Variants in PPP1R9A observed in about 807,000 individuals in gnomAD.
PPP1R9A encodes protein phosphatase 1 regulatory subunit 9A.
A neutral mutation model predicts 141.9 loss-of-function variants in PPP1R9A; 59 were observed. That is an observed-to-expected ratio of 0.42 (90% CI 0.34 to 0.52). The LOEUF is 0.52. PPP1R9A is among the 20% of genes least tolerant of loss of function. The pLI, the probability that PPP1R9A is intolerant of heterozygous loss-of-function variation, is 0.10. For missense variants in PPP1R9A, 1,444 were observed against 1,611.9 expected (o/e 0.90, Z 1.78); for synonymous variants, 500 against 569.7 (o/e 0.88, Z 1.74).
rs191015979 is a variant in PPP1R9A at position 95,128,679 on chromosome 7, C to T, written c.1649+7847C>T. ...GCAACCTCTGCCTCCTGGGTTCAAG[C>T]GATTCTCCTGCCTCAGCCTTCTGAG... On this transcript the variant is annotated intron_variant, in intron 4 of 19. Coordinates refer to ENST00000433360, the MANE Select transcript of PPP1R9A (RefSeq NM_001166160.2). Among the ~76,000 whole-genome samples the T allele has an allele frequency of 3.1e-4, 47 of 152,186 alleles. No homozygotes were observed. In the East Asian group the frequency reaches 8.7e-3, roughly 28 times the overall value.
At position 94,910,960 on chromosome 7, in the gene PPP1R9A, G is replaced by C; in HGVS notation, c.847G>C (p.Ala283Pro). ...KSNATPVPEV[A>P]SKSTSLASIP... ...TAATGCAACTCCAGTACCAGAAGTG[G>C]CTTCTAAAAGTACCTCTCTAGCTTC... Residue 283 changes from alanine to proline, a missense_variant, in exon 2 of 20, where the codon GCT (alanine) becomes CCT (proline). Physicochemically the swap from Ala to Pro is conservative, Grantham distance 27 (BLOSUM62 -1). Coordinates refer to ENST00000433360, the MANE Select transcript of PPP1R9A (RefSeq NM_001166160.2). The surrounding 1 kb of genome is among the most constrained non-coding windows in gnomAD (Gnocchi z 4.5). 1 of 1,614,164 alleles carries C rather than the reference G, an allele frequency of 6.2e-7. No individual in the cohort carries two copies. Among genetic ancestry groups the C allele is most frequent in the Non-Finnish European group, 8.5e-7 (1 of 1,180,034 alleles).
At chr7:95,060,096 C>T (rs1812025572) in intron 2 of PPP1R9A, among the ~76,000 whole-genome samples, 1 of 152,218 alleles carries the variant, frequency 6.6e-6, no homozygotes, top group African/African-American at 2.4e-5. Context: ...TTCTCCCACA[C>T]AGCAGAGGTT....
At chr7:95,041,340 C>T (rs568996569) in intron 2 of PPP1R9A, among the ~76,000 whole-genome samples, 100 of 152,292 alleles carry the variant, frequency 6.6e-4, no homozygotes, top group African/African-American at 2.3e-3. Context: ...AACCTTTCCG[C>T]TCTGAATCTC....
chr7:95,151,564 A>G (rs908644265), intron 4 of PPP1R9A, among the ~76,000 whole-genome samples: 8 of 152,114 alleles, frequency 5.3e-5, no homozygotes, highest in Non-Finnish European at 1.0e-4. Flanking sequence ...TCCATCATAC[A>G]TTTGTCAAAA....
chr7:95,163,051 T>A (rs1361765697), intron 5 of PPP1R9A, among the ~76,000 whole-genome samples: 1 of 152,204 alleles, frequency 6.6e-6, no homozygotes, highest in Non-Finnish European at 1.5e-5. Flanking sequence ...TTTTTGAAGA[T>A]CACTATGTGT....
intron 2 of PPP1R9A, among the ~76,000 whole-genome samples, chr7:94,917,309 T>A (rs1792202213): frequency 1.3e-5 from 2 of 152,352 alleles, no homozygotes; most frequent in South Asian, 4.1e-4. Context: ...AGTGATCATT[T>A]AGTGTTTAAA....
At chr7:94,949,596 G>A (rs1395621045) in intron 2 of PPP1R9A, among the ~76,000 whole-genome samples, 1 of 152,062 alleles carries the variant, frequency 6.6e-6, no homozygotes, top group African/African-American at 2.4e-5. Context: ...GGGCTAGTTA[G>A]CAGCTCAGAC....
intron 5 of PPP1R9A, among the ~76,000 whole-genome samples, chr7:95,195,592 A>T (rs1409916758): frequency 1.3e-5 from 2 of 151,976 alleles, no homozygotes; most frequent in African/African-American, 4.8e-5. Flanking sequence ...TATTTATAAC[A>T]AAGTGATAAA....
intron 3 of PPP1R9A, 35 bp from the exon 4 acceptor site, chr7:95,120,677 T>C (rs781379272): frequency 6.2e-7 from 1 of 1,604,770 alleles, no homozygotes. Flanking sequence ...AAAACTTAAG[T>C]TGTTTCACCT....
intron 2 of PPP1R9A, among the ~76,000 whole-genome samples, chr7:95,090,874 T>C (rs1445415696): frequency 6.6e-6 from 1 of 151,998 alleles, no homozygotes; most frequent in Non-Finnish European, 1.5e-5. Flanking sequence ...CTATATGTAT[T>C]TACATAATTG....
At chr7:95,200,150 G>A (rs965720517) in intron 6 of PPP1R9A, among the ~76,000 whole-genome samples, 1 of 151,904 alleles carries the variant, frequency 6.6e-6, no homozygotes, top group Non-Finnish European at 1.5e-5. Context: ...AAAGAAAGAA[G>A]ATAGTCACAT....
intron 2 of PPP1R9A, among the ~76,000 whole-genome samples, chr7:95,094,874 C>T (rs1250732923): frequency 6.5e-4 from 32 of 49,334 alleles, no homozygotes; most frequent in African/African-American, 1.8e-3. Context: ...AGGGAGACTG[C>T]GTCTCAAAAA....
intron 4 of PPP1R9A, chr7:95,156,669 C>T (rs762608406): frequency 1.3e-5 from 2 of 152,354 alleles, no homozygotes; most frequent in African/African-American, 4.8e-5. Context: ...AAAGGAGACC[C>T]TGGAGAGGGA....
Position 95,268,550 on chromosome 7 carries a change from A to C in PPP1R9A, c.2666A>C (p.Asp889Ala). 1 of 1,612,892 alleles carries C rather than the reference A, an allele frequency of 6.2e-7. No individual in the cohort carries two copies. The highest frequency in any genetic ancestry group is 1.1e-5 in the South Asian group (1 of 91,042). ...ACTGATTATCTTTCAATATTCTTAG[A>C]CTTGAATGAAGCAGTCCCAGAGACA... ...QTSCQDGLSQ[D>A]LNEAVPETER... The change falls in exon 13 of 20, where the codon GAC becomes GCC. Residue 889 changes from aspartate (D) to alanine (A), a missense_variant and splice_region_variant. Transcript: ENST00000433360.
At chr7:95,261,198 G>C (rs1800380923) in intron 12 of PPP1R9A, among the ~76,000 whole-genome samples, 1 of 152,172 alleles carries the variant, frequency 6.6e-6, no homozygotes, top group South Asian at 2.1e-4. Flanking sequence ...ATAGCCAAGA[G>C]GGAAACATGA....
intron 2 of PPP1R9A, among the ~76,000 whole-genome samples, chr7:95,084,857 C>T (rs955603059): frequency 3.3e-5 from 5 of 151,942 alleles, no homozygotes; most frequent in East Asian, 1.9e-4. Context: ...TCATCACCAT[C>T]GCAAACCATG....
At chr7:95,241,847 A>G (rs1797513664) in intron 8 of PPP1R9A, among the ~76,000 whole-genome samples, 2 of 152,144 alleles carry the variant, frequency 1.3e-5, no homozygotes, top group Admixed American at 1.3e-4. Flanking sequence ...ATTGCTGCCT[A>G]CTTAATAGCA....
At chr7:95,108,594 A>C (rs1819996063) in intron 2 of PPP1R9A, among the ~76,000 whole-genome samples, 1 of 151,858 alleles carries the variant, frequency 6.6e-6, no homozygotes. Flanking sequence ...AAAGAATGAA[A>C]TGGTGGCATA....
At chr7:94,965,413 G>T (rs892152614) in intron 2 of PPP1R9A, among the ~76,000 whole-genome samples, 10 of 152,026 alleles carry the variant, frequency 6.6e-5, no homozygotes, top group Admixed American at 1.3e-4. Flanking sequence ...GTCTTGGATG[G>T]TACTGCCTAG....
Sources: gnomAD v4.1 joint callset for allele counts (sites outside exome capture counted in the v4.1 genomes callset) on GRCh38, gnomAD v4.1.1 for gene constraint, Gnocchi (gnomAD v3.1) non-coding constraint, MANE v1.5 for transcripts, NCBI Gene and HGNC (gene_info 2026-07-23, HGNC 2026-07-21) for gene names.